MYO1B: variants seen among roughly 807,000 people sequenced by gnomAD.
MYO1B encodes unconventional myosin-Ib.
In MYO1B, 72 loss-of-function variants were observed where a neutral mutation model predicts 159.7. That is an observed-to-expected ratio of 0.45 (90% CI 0.37 to 0.55). The LOEUF (loss-of-function observed/expected upper bound fraction) is 0.55. Among genes scored for constraint, MYO1B ranks in the 20% least tolerant of loss-of-function variants. MYO1B has a pLI of 0.00. For missense variants in MYO1B, 1,062 were observed against 1,364.8 expected (o/e 0.78, Z 3.50); for synonymous variants, 468 against 473.8 (o/e 0.99, Z 0.16).
At position 191,405,210 on chromosome 2, in the gene MYO1B, T is replaced by A. The variant is rs189665675; in HGVS notation, c.2556+2492T>A. 2.0e-5 allele frequency among the ~76,000 whole-genome samples: 3 copies of A among 152,350 alleles called. No individual in the cohort carries two copies. The East Asian group carries it at 5.8e-4, about 29-fold the overall frequency. ...TATTTGGTCATCCATAAGAAGCAAC[T>A]CCTTGTTCATTTCCATCTTATCTTG... On this transcript the variant is annotated intron_variant, in intron 24 of 30. Transcript: ENST00000392318.
At chr2:191,304,368 C>T (rs912773995) in intron 3 of MYO1B, among the ~76,000 whole-genome samples, 2 of 152,072 alleles carry the variant, frequency 1.3e-5, no homozygotes, top group Non-Finnish European at 2.9e-5. Flanking sequence ...GTTGGGAGTT[C>T]GAGACTAGCC....
intron 13 of MYO1B, among the ~76,000 whole-genome samples, chr2:191,376,459 G>A (rs1694718126): frequency 1.3e-5 from 2 of 152,082 alleles, no homozygotes. Flanking sequence ...ATCTTTGCAA[G>A]GACCAACAGC....
chr2:191,417,770 A>G (rs947622528), intron 30 of MYO1B, among the ~76,000 whole-genome samples: 1 of 152,244 alleles, frequency 6.6e-6, no homozygotes, highest in Non-Finnish European at 1.5e-5. Flanking sequence ...TCACTACATT[A>G]CATCTCAGAG....
At chr2:191,329,680 A>G (rs1308171223) in intron 3 of MYO1B, among the ~76,000 whole-genome samples, 1 of 148,908 alleles carries the variant, frequency 6.7e-6, no homozygotes, top group Non-Finnish European at 1.5e-5. Flanking sequence ...ATATTATATA[A>G]AAAATAAAGC....
intron 1 of MYO1B, among the ~76,000 whole-genome samples, chr2:191,261,435 A>G (rs905540206): frequency 2.0e-5 from 3 of 152,204 alleles, no homozygotes; most frequent in Non-Finnish European, 4.4e-5. Context: ...TTGGTGGGTT[A>G]AGTTGTGATT....
At chr2:191,254,843 A>C (rs1276074931) in intron 1 of MYO1B, among the ~76,000 whole-genome samples, 3 of 152,170 alleles carry the variant, frequency 2.0e-5, no homozygotes, top group Non-Finnish European at 4.4e-5. Context: ...GGTGACTTTT[A>C]GTTATTTAAT....
At chr2:191,270,318 A>G (rs1291548862) in intron 1 of MYO1B, among the ~76,000 whole-genome samples, 9 of 152,302 alleles carry the variant, frequency 5.9e-5, no homozygotes, top group Non-Finnish European at 1.0e-4. Flanking sequence ...TTGCTCATCT[A>G]TATTTTCTAG....
chr2:191,285,694 G>A (rs1484599503), intron 2 of MYO1B, among the ~76,000 whole-genome samples: 4 of 152,154 alleles, frequency 2.6e-5, no homozygotes, highest in South Asian at 2.1e-4. Context: ...GTGGACAGCC[G>A]ATGGAGTAGA....
intron 6 of MYO1B, among the ~76,000 whole-genome samples, chr2:191,347,026 A>G (rs1038770976): frequency 2.0e-5 from 3 of 152,204 alleles, no homozygotes; most frequent in Admixed American, 1.3e-4. Context: ...AAATTGATGT[A>G]TACATTTTTA....
In MYO1B at chr2:191,390,507, G is replaced by T; in HGVS notation, c.1982+15G>T. The T allele has an allele frequency of 1.2e-6, 2 of 1,606,938 alleles. No individual in the cohort carries two copies. The highest frequency in any genetic ancestry group is 1.1e-5 in the South Asian group (1 of 90,520). On this transcript the variant is annotated intron_variant, in intron 18 of 30. Transcript: ENST00000392318. ...GGACCAGCCAGGTAAGAAATTCAGT[G>T]ACCATATTTAATAATGAATGTTTTA...
At chr2:191,299,878 A>G (rs1275840498) in intron 3 of MYO1B, among the ~76,000 whole-genome samples, 2 of 152,232 alleles carry the variant, frequency 1.3e-5, no homozygotes. Flanking sequence ...TAATACGTAT[A>G]AGGTGCTTAG....
intron 6 of MYO1B, among the ~76,000 whole-genome samples, chr2:191,348,609 C>G (rs1055136177): frequency 1.8e-4 from 28 of 151,950 alleles, no homozygotes; most frequent in African/African-American, 6.8e-4. Flanking sequence ...CCTCTCTCAT[C>G]TCCTGCATCC....
At chr2:191,253,552 G>A (rs1339059459) in intron 1 of MYO1B, among the ~76,000 whole-genome samples, 1 of 147,426 alleles carries the variant, frequency 6.8e-6, no homozygotes, top group East Asian at 2.0e-4. Flanking sequence ...TTGTTCTTCT[G>A]AACTTAACTG....
chr2:191,377,548 G>T (rs777189091), intron 13 of MYO1B: 1 of 152,112 alleles, frequency 6.6e-6, no homozygotes, highest in Non-Finnish European at 1.5e-5. Context: ...CACATATAAA[G>T]TTGCTTTGGG....
chr2:191,398,458 C>T (rs1696341457), intron 21 of MYO1B, among the ~76,000 whole-genome samples: 1 of 147,368 alleles, frequency 6.8e-6, no homozygotes, highest in African/African-American at 2.5e-5. Context: ...GGAGACGCTC[C>T]TCACTTCCCA....
At chr2:191,369,374 G>T (rs557953332) in intron 11 of MYO1B, among the ~76,000 whole-genome samples, 168 bp from the exon 12 acceptor site, 98 of 152,278 alleles carry the variant, frequency 6.4e-4, no homozygotes, top group African/African-American at 2.2e-3. Flanking sequence ...TAAACAATTT[G>T]CCTAATTCTC....
rs1483384507 is a variant in MYO1B at position 191,362,268 on chromosome 2, A to T, written c.662A>T (p.Asn221Ile). The T allele has an allele frequency of 9.3e-6, 15 of 1,612,760 alleles. No individual in the cohort carries two copies. The highest frequency in any genetic ancestry group is 1.3e-5 in the Non-Finnish European group (15 of 1,178,966). Residue 221 changes from asparagine to isoleucine, a missense_variant and splice_region_variant, in exon 9 of 31, where the codon AAT becomes ATT. Around this residue, in one of 5 missense-constraint regions of MYO1B, gnomAD observed 415 missense variants for 544.0 expected, o/e 0.76. Transcript: ENST00000392318. ...LLSGASEELL[N>I]KLKLERDFSR... ...ACAACTTGTGTCTTTGATTCAATAG[A>T]TAAACTTAAGCTTGAGAGGGATTTC...
At chr2:191,270,921 G>T (rs1225120611) in intron 1 of MYO1B, among the ~76,000 whole-genome samples, 1 of 152,178 alleles carries the variant, frequency 6.6e-6, no homozygotes, top group Admixed American at 6.5e-5. Context: ...TTTGCCTTCT[G>T]GTCTGCTGTG....
rs1467051562 is a variant in MYO1B, at chr2:191,395,660, C to CCT, written c.2227-766_2227-765dup. On this transcript the variant is annotated intron_variant, in intron 20 of 30. Transcript: ENST00000392318. The stretch of plus-strand genomic sequence containing the variant: ...GCGTCAGCCCTAGAAGTAAGAAAGG[C>CCT]CTCTGGGCATTGAGCTTGTTGAGCC... 2.0e-5 allele frequency among the ~76,000 whole-genome samples: 3 copies of CCT among 152,358 alleles called. No individual in the cohort carries two copies. In the East Asian group the frequency reaches 5.8e-4, roughly 29 times the overall value.
Sources: allele counts gnomAD v4.1 joint callset (sites outside exome capture counted in the v4.1 genomes callset), GRCh38; gene constraint gnomAD v4.1.1; regional missense constraint gnomAD v4.1.1; transcripts MANE v1.5; gene names NCBI Gene and HGNC (gene_info 2026-07-23, HGNC 2026-07-21).